The following EIF2AK4 variants were observed in gnomAD, a reference collection of about 807,000 sequenced individuals.
EIF2AK4 encodes the protein eIF-2-alpha kinase GCN2.
In EIF2AK4, 139 loss-of-function variants were observed where a neutral mutation model predicts 211.1. The ratio of observed to expected loss-of-function variants is 0.66; its 90% CI spans 0.57 to 0.76. The LOEUF (loss-of-function observed/expected upper bound fraction) is 0.76. Among genes scored for constraint, EIF2AK4 ranks in the 30% least tolerant of loss-of-function variants. EIF2AK4 has a pLI of 0.00. For missense variants in EIF2AK4, 1,664 were observed against 2,043.8 expected (o/e 0.81, Z 3.58); for synonymous variants, 710 against 751.3 (o/e 0.94, Z 0.90).
At chr15:40,024,459 A>C (rs2035438257) in intron 32 of EIF2AK4, among the ~76,000 whole-genome samples, 1 of 123,860 alleles carries the variant, frequency 8.1e-6, no homozygotes, top group South Asian at 2.6e-4. Flanking sequence ...CGCAGGCTGG[A>C]GTGCAGTGGT....
At chr15:40,024,713 T>TTTA (rs71426361) in intron 32 of EIF2AK4, among the ~76,000 whole-genome samples, 2 of 150,176 alleles carry the variant, frequency 1.3e-5, no homozygotes, top group African/African-American at 4.9e-5. Context: ...TTTTTTTTTT[T>TTTA]ACTCTGAGAA....
chr15:39,990,404 C>T lies in EIF2AK4; in HGVS notation c.2631+27C>T, dbSNP rs17848490. ...TAAGTATTTTAAAAATTAGACTGTACCTAAAAACAGACTCAGATGTCTTGA... is the reference window on the plus strand; with the variant it reads ...TAAGTATTTTAAAAATTAGACTGTATCTAAAAACAGACTCAGATGTCTTGA... On this transcript the variant is annotated intron_variant, in intron 16 of 38. Coordinates refer to ENST00000263791, the MANE Select transcript of EIF2AK4 (RefSeq NM_001013703.4). 3.7e-4 allele frequency: 588 copies of T among 1,574,982 alleles called. 3 individuals are homozygous for T. The East Asian group carries it at 0.013, about 34-fold the overall frequency.
chr15:40,025,629 G>T (rs2035456482), intron 32 of EIF2AK4, among the ~76,000 whole-genome samples: 1 of 152,000 alleles, frequency 6.6e-6, no homozygotes, highest in Non-Finnish European at 1.5e-5. Flanking sequence ...TGAAATGAGA[G>T]CCCATTCATC....
At chr15:39,979,507 A>G (rs1156315418) in intron 13 of EIF2AK4, among the ~76,000 whole-genome samples, 3 of 152,216 alleles carry the variant, frequency 2.0e-5, no homozygotes, top group African/African-American at 7.2e-5. Context: ...CTGCTTAATT[A>G]TGAGAAATTA....
At chr15:40,019,632 ATCTAACT>A (rs2035356216) in intron 30 of EIF2AK4, among the ~76,000 whole-genome samples, 1 of 152,180 alleles carries the variant, frequency 6.6e-6, no homozygotes, top group Non-Finnish European at 1.5e-5. Context: ...CCTTAGGAGA[ATCTAACT>A]AATGCCTGAT....
At chr15:39,952,215 T>C (rs2034327610) in intron 4 of EIF2AK4, among the ~76,000 whole-genome samples, 1 of 152,200 alleles carries the variant, frequency 6.6e-6, no homozygotes, top group Admixed American at 6.5e-5. Context: ...CTTCACAGTA[T>C]TTAGACTTCC....
At chr15:39,944,129 T>C (rs895753071) in intron 3 of EIF2AK4, among the ~76,000 whole-genome samples, 2 of 152,202 alleles carry the variant, frequency 1.3e-5, no homozygotes, top group African/African-American at 2.4e-5. Context: ...AGGAATTTGT[T>C]GTTTTCTTTC....
chr15:39,992,741 CG>C (rs1384687674), intron 17 of EIF2AK4, 27 bp from the exon 18 acceptor site: 2 of 1,599,078 alleles, frequency 1.3e-6, no homozygotes, highest in Non-Finnish European at 1.7e-6. Context: ...ATTATTGGGA[CG>C]TTTTCCCTCT....
chr15:40,003,613 C>T (rs2035122360), intron 23 of EIF2AK4, among the ~76,000 whole-genome samples: 1 of 152,128 alleles, frequency 6.6e-6, no homozygotes, highest in Non-Finnish European at 1.5e-5. Flanking sequence ...TTAACCCCAC[C>T]CACTTAGACA....
chr15:39,979,969 G>A (rs1308613073), intron 13 of EIF2AK4, among the ~76,000 whole-genome samples: 1 of 152,166 alleles, frequency 6.6e-6, no homozygotes, highest in Non-Finnish European at 1.5e-5. Flanking sequence ...TTTTTTGTTT[G>A]TTTTGAAGAC....
In EIF2AK4 at chr15:39,967,842, A is replaced by C. The variant is rs2034566705; in HGVS notation, c.1516A>C (p.Ser506Arg). 6.2e-7 allele frequency: 1 copy of C among 1,613,932 alleles called. No individual in the cohort carries two copies. The highest frequency in any genetic ancestry group is 1.7e-5 in the Admixed American group (1 of 60,006). The change falls in exon 9 of 39, where the codon AGT becomes CGT. Residue 506 changes from serine to arginine, a missense_variant. Coordinates refer to ENST00000263791, the MANE Select transcript of EIF2AK4 (RefSeq NM_001013703.4). ...ECGEYPVTIP[S>R]DLPADFQDFL... The stretch of plus-strand genomic sequence containing the variant: ...TGGAGAGTACCCTGTGACCATCCCT[A>C]GTGACTTACCAGCTGACTTTCAAGA...
chr15:40,034,992 G>C, intron 38 of EIF2AK4, 35 bp from the exon 39 acceptor site: 2 of 1,535,632 alleles, frequency 1.3e-6, no homozygotes, highest in Non-Finnish European at 1.8e-6. Context: ...TCATTAAACT[G>C]AGTCTGTCCT....
chr15:39,942,519 A>G (rs1419570758), intron 2 of EIF2AK4, among the ~76,000 whole-genome samples: 1 of 152,258 alleles, frequency 6.6e-6, no homozygotes, highest in Non-Finnish European at 1.5e-5. Context: ...TTCACTGGTT[A>G]AATGCCATGA....
chr15:39,952,703 T>A (rs2034336484), intron 4 of EIF2AK4, among the ~76,000 whole-genome samples: 1 of 152,224 alleles, frequency 6.6e-6, no homozygotes, highest in Non-Finnish European at 1.5e-5. Flanking sequence ...TTTTTCATTT[T>A]ATTTTGTTTC....
At chr15:40,021,054 T>C in intron 31 of EIF2AK4, 27 bp downstream of exon 31, 1 of 1,608,054 alleles carries the variant, frequency 6.2e-7, no homozygotes, top group East Asian at 2.2e-5. Flanking sequence ...CACCTGTGAG[T>C]GAAGTGCAAA....
rs757912696 is a variant in EIF2AK4 at position 39,976,611 on chromosome 15, C to T, written c.2016C>T (p.Ser672=). The T allele has an allele frequency of 1.9e-5, 31 of 1,607,678 alleles. No individual in the cohort carries two copies. Among genetic ancestry groups the T allele is most frequent in the African/African-American group, 2.7e-5 (2 of 74,724 alleles). ...PAGPGTPPPD[S]GPLAKDDRAA... is the part of the protein sequence containing the mutation. ...GACCGGGGACGCCGCCCCCGGACTC[C>T]GGGCCCCTGGCCAAGGATGACCGAG... The change falls in exon 12 of 39, where the codon TCC becomes TCT. Residue 672 remains serine, a synonymous_variant. Coordinates refer to ENST00000263791, the MANE Select transcript of EIF2AK4 (RefSeq NM_001013703.4).
chr15:39,987,301 A>G (rs1298127885), intron 14 of EIF2AK4, among the ~76,000 whole-genome samples: 2 of 152,228 alleles, frequency 1.3e-5, no homozygotes, highest in African/African-American at 2.4e-5. Flanking sequence ...TTTACTGACA[A>G]TTATTCCGAA....
intron 6 of EIF2AK4, among the ~76,000 whole-genome samples, chr15:39,956,502 T>A (rs1231236923): frequency 6.6e-6 from 1 of 152,206 alleles, no homozygotes; most frequent in African/African-American, 2.4e-5. Flanking sequence ...GTGAGACATC[T>A]GTTACATGAG....
chr15:40,030,328 G>T, intron 34 of EIF2AK4, 31 bp from the exon 35 acceptor site: 1 of 1,604,320 alleles, frequency 6.2e-7, no homozygotes, highest in Non-Finnish European at 8.5e-7. Flanking sequence ...ACCAGATAAG[G>T]CCATAAATTC....
Sources: gnomAD v4.1 joint callset for allele counts (sites outside exome capture counted in the v4.1 genomes callset) on GRCh38, gnomAD v4.1.1 for gene constraint, MANE v1.5 for transcripts, NCBI Gene and HGNC (gene_info 2026-07-23, HGNC 2026-07-21) for gene names.